KCTD2: variants seen among roughly 807,000 people sequenced by gnomAD.
KCTD2 encodes potassium channel tetramerization domain containing 2, also known as BTB/POZ domain-containing protein KCTD2.
In KCTD2, 18 loss-of-function variants were observed where a neutral mutation model predicts 27.9. That is an observed-to-expected ratio of 0.64 (90% CI 0.45 to 0.96). KCTD2 has a LOEUF of 0.96. Ranked by LOEUF, KCTD2 falls within the 40% of genes least tolerant of loss-of-function variation. The probability of loss-of-function intolerance (pLI) is 0.00; values close to 1 mark genes in which losing one functional copy is unlikely to be tolerated. For synonymous variants in KCTD2, 175 were observed against 148.4 expected, an observed-to-expected ratio of 1.18 and a Z score of -1.30; for missense variants, 280 against 348.0, an observed-to-expected ratio of 0.80 and a Z score of 1.56.
At chr17:75,033,030 G>C (rs1265671185) in intron 1 of KCTD2, 1 of 152,278 alleles carries the variant, frequency 6.6e-6, no homozygotes, top group East Asian at 1.9e-4. Flanking sequence ...AGATTGGCAA[G>C]GTCCCAAGAG....
chr17:75,055,678 A>G, intron 3 of KCTD2, among the ~76,000 whole-genome samples: 1 of 152,090 alleles, frequency 6.6e-6, no homozygotes, highest in South Asian at 2.1e-4. Flanking sequence ...TACTAAAAAT[A>G]CAAAAGTAGC....
At chr17:75,046,834 GGGGGCGTGACAA>G (rs1490822101), upstream of KCTD2, 1 of 152,580 alleles carries the variant, frequency 6.6e-6, no homozygotes, top group African/African-American at 2.4e-5. Context: ...CGTCCTTGAC[GGGGGCGTGACAA>G]GGGTCGGCGT....
At chr17:75,048,842 CAA>C (rs1346957730) in intron 1 of KCTD2, 1 of 158,784 alleles carries the variant, frequency 6.3e-6, no homozygotes, top group African/African-American at 2.4e-5. Flanking sequence ...CCATCTCAAG[CAA>C]AGATTTCAGT....
intron 2 of KCTD2, among the ~76,000 whole-genome samples, chr17:75,049,812 C>G (rs1323324020): frequency 6.6e-6 from 1 of 152,222 alleles, no homozygotes; most frequent in Admixed American, 6.5e-5. Context: ...AATTCATTCT[C>G]TAGTTCATTG....
chr17:75,059,412 C>CT, intron 3 of KCTD2, 98 bp from the exon 4 acceptor site: 1 of 647,102 alleles, frequency 1.5e-6, no homozygotes, highest in Non-Finnish European at 2.5e-6. Flanking sequence ...TCCAAGCAAA[C>CT]TCCTTTTCAG....
chr17:75,044,298 C>A (rs540922382), upstream of KCTD2, among the ~76,000 whole-genome samples: 1 of 113,994 alleles, frequency 8.8e-6, no homozygotes, highest in Non-Finnish European at 1.6e-5. Flanking sequence ...CTCCGCTTCC[C>A]GGGTTCACGC....
chr17:75,063,134 G>A lies in KCTD2; in HGVS notation c.*87G>A, dbSNP rs995065635. The A allele has an allele frequency of 1.4e-5, 18 of 1,277,136 alleles. No individual in the cohort carries two copies. Among genetic ancestry groups the A allele is most frequent in the East Asian group, 2.4e-5 (1 of 42,166 alleles). 79.1% of individuals were successfully genotyped at this position (1,277,136 alleles called of 1,614,324 possible). A position where few individuals can be genotyped will look rare whatever the true frequency, so the allele number is the denominator to read the frequency against. On this transcript the variant is annotated 3_prime_UTR_variant, in exon 6 of 6. Transcript: ENST00000322444. ...GAAACCTCACTCCTGTCCAGTGACC[G>A]AGCCACTGCAAAGCACAGCTGATCC...
intron 4 of KCTD2, chr17:75,060,520 C>G: frequency 2.5e-6 from 4 of 1,612,582 alleles, no homozygotes; most frequent in Non-Finnish European, 3.4e-6. Context: ...CAGCCAAGAC[C>G]AGCTGCTCTT....
At chr17:75,050,855 T>C (rs2073276652) in intron 2 of KCTD2, among the ~76,000 whole-genome samples, 2 of 152,212 alleles carry the variant, frequency 1.3e-5, no homozygotes, top group Non-Finnish European at 1.5e-5. Flanking sequence ...TTTGTTGTTT[T>C]TTTAAGAGTC....
At position 75,064,263 on chromosome 17, in the gene KCTD2, C is replaced by G. The variant is rs556462150; in HGVS notation, c.*1216C>G. The G allele has an allele frequency of 1.3e-5, 2 of 152,402 alleles. No individual in the cohort carries two copies. Among genetic ancestry groups the G allele is most frequent in the South Asian group, 2.1e-4 (1 of 4,830 alleles). The allele number at this position is 152,402 out of a possible 1,614,324, so 9.4% of individuals were successfully genotyped here. On this transcript the variant is annotated 3_prime_UTR_variant, in exon 6 of 6. Transcript: ENST00000322444. Reference sequence around the variant, plus strand: ...TCCACAGAGTTTGTGTCCACACTTTCTCTCCGAGCATGTGGGTCTCGCTGA... The same window carrying G: ...TCCACAGAGTTTGTGTCCACACTTTGTCTCCGAGCATGTGGGTCTCGCTGA...
chr17:75,043,470 G>A (rs898044048), upstream of KCTD2, among the ~76,000 whole-genome samples: 7 of 152,018 alleles, frequency 4.6e-5, no homozygotes, highest in African/African-American at 1.7e-4. Context: ...AAAATTAGCC[G>A]GGCGTGATGG....
intron 3 of KCTD2, chr17:75,040,153 A>C (rs371625622): frequency 7.4e-6 from 12 of 1,611,496 alleles, no homozygotes; most frequent in Non-Finnish European, 9.3e-6. Context: ...GGGAACCTTC[A>C]GCGCATTAAA....
chr17:75,039,329 T>A, intron 3 of KCTD2: 2 of 1,521,020 alleles, frequency 1.3e-6, no homozygotes, highest in Non-Finnish European at 1.8e-6. Flanking sequence ...CCCCAGCAGC[T>A]GCTAAGGTAG....
At chr17:75,062,979 C>G (rs550203491) in intron 5 of KCTD2, 39 bp from the exon 6 acceptor site, 62 of 1,611,528 alleles carry the variant, frequency 3.8e-5, no homozygotes, top group Non-Finnish European at 5.1e-5. Context: ...CTGTCTTTCC[C>G]TCAGCAGCCT....
At chr17:75,057,621 G>A (rs1221661875) in intron 3 of KCTD2, among the ~76,000 whole-genome samples, 11 of 148,186 alleles carry the variant, frequency 7.4e-5, no homozygotes, top group Admixed American at 6.8e-4. Flanking sequence ...GTGCAATGGC[G>A]CGATCTCAGC....
chr17:75,049,303 C>T lies in KCTD2; in HGVS notation c.423C>T (p.Ile141=). Residue 141 remains isoleucine (I), a synonymous_variant, in exon 2 of 6, where the codon ATC becomes ATT. Coordinates refer to ENST00000322444, the MANE Select transcript of KCTD2 (RefSeq NM_015353.3). Reference sequence around the variant, plus strand: ...ACTACCTCCGCCACGGGAAACTCATCATCACTAAGGAGTTGGCAGAAGAAG... The same window carrying T: ...ACTACCTCCGCCACGGGAAACTCATTATCACTAAGGAGTTGGCAGAAGAAG... ...ILNYLRHGKL[I]ITKELAEEGV... 1 of 1,612,032 alleles carries T rather than the reference C, an allele frequency of 6.2e-7. No individual in the cohort carries two copies. Among genetic ancestry groups the T allele is most frequent in the Non-Finnish European group, 8.5e-7 (1 of 1,178,086 alleles).
At chr17:75,053,190 C>G in intron 3 of KCTD2, 85 bp downstream of exon 3, 2 of 1,035,702 alleles carry the variant, frequency 1.9e-6, no homozygotes, top group East Asian at 5.1e-5. Context: ...TGCCTTTACC[C>G]TTAGAGCTGG....
intron 3 of KCTD2, among the ~76,000 whole-genome samples, chr17:75,036,591 C>T (rs1340395878): frequency 6.6e-6 from 1 of 152,234 alleles, no homozygotes; most frequent in African/African-American, 2.4e-5. Flanking sequence ...CAAAGGGCTC[C>T]CCCTAATGCT....
intron 2 of KCTD2, among the ~76,000 whole-genome samples, chr17:75,034,459 C>T (rs541382411): frequency 6.6e-6 from 1 of 152,336 alleles, no homozygotes; most frequent in African/African-American, 2.4e-5. Context: ...AACCCACAAT[C>T]CCTGGCTTAG....
Sources: allele counts gnomAD v4.1 joint callset (sites outside exome capture counted in the v4.1 genomes callset), GRCh38; gene constraint gnomAD v4.1.1; transcripts MANE v1.5; gene names NCBI Gene and HGNC (gene_info 2026-07-23, HGNC 2026-07-21).